BCL2: variants seen among roughly 807,000 people sequenced by gnomAD.
The protein encoded by BCL2 is BCL2 apoptosis regulator.
BCL2 carries 1 observed loss-of-function variant against 14.2 expected under a neutral mutation model. That is an observed-to-expected ratio of 0.07 (90% CI 0.02 to 0.33). The LOEUF (loss-of-function observed/expected upper bound fraction) is 0.33, where lower values mean the gene tolerates loss of function less well. Ranked by LOEUF, BCL2 falls within the 10% of genes least tolerant of loss-of-function variation. BCL2 has a pLI of 0.99. For synonymous variants in BCL2, 151 were observed against 137.2 expected, an observed-to-expected ratio of 1.10 and a Z score of -0.70; for missense variants, 247 against 305.9, an observed-to-expected ratio of 0.81 and a Z score of 1.44.
chr18:63,160,072 TC>T lies in BCL2; in HGVS notation c.586-31314del, dbSNP rs1218397727. ...AAAGGCATACATCCCTTTAACTCAC[TC>T]CCCTATCAAGATATGCAGCATTTCC... On this transcript the variant is annotated intron_variant, in intron 2 of 2. Coordinates refer to ENST00000333681, the MANE Select transcript of BCL2 (RefSeq NM_000633.3). Among the ~76,000 whole-genome samples the T allele has an allele frequency of 3.3e-5, 5 of 152,126 alleles. No individual in the cohort carries two copies. In the East Asian group the frequency reaches 5.8e-4, roughly 18 times the overall value.
In BCL2 at chr18:63,169,300, CT is replaced by C. The variant is rs1568222426; in HGVS notation, c.586-40542del. ...TCTTTCTTTCTTTCTTTCTTTCTTT[CT>C]TTCTTTCTTCCTTCCTTCCTTCTTT... On this transcript the variant is annotated intron_variant, in intron 2 of 2. Transcript: ENST00000333681. Among the ~76,000 whole-genome samples the C allele has an allele frequency of 3.1e-3, 241 of 76,640 alleles. 3 individuals carry two copies. Among genetic ancestry groups the C allele is most frequent in the Admixed American group, 6.9e-3 (50 of 7,270 alleles). The allele number at this position is 76,640 out of a possible 152,430, so 50.3% of individuals were successfully genotyped here.
chr18:63,247,101 G>A (rs151258723), intron 2 of BCL2, among the ~76,000 whole-genome samples: 321 of 152,256 alleles, frequency 2.1e-3, no homozygotes, highest in African/African-American at 7.4e-3. Flanking sequence ...GGGCTAGAAA[G>A]AGATCAGTAG....
chr18:63,305,383 C>T (rs1568264619), intron 2 of BCL2, among the ~76,000 whole-genome samples: 1 of 152,192 alleles, frequency 6.6e-6, no homozygotes, highest in South Asian at 2.1e-4. Context: ...TGAATATCAG[C>T]TCTTCCTGTG....
rs1196207006 is a variant in BCL2, at chr18:63,318,682, A to C, written c.-16T>G. 1 of 1,612,192 alleles carries C rather than the reference A, an allele frequency of 6.2e-7. No individual in the cohort carries two copies. Among genetic ancestry groups the C allele is most frequent in the East Asian group, 2.2e-5 (1 of 44,690 alleles). On this transcript the variant is annotated 5_prime_UTR_variant, in exon 2 of 3. Transcript: ENST00000333681. The surrounding 1 kb of genome is among the most constrained non-coding windows in gnomAD (Gnocchi z 7.4). ...CGTGCGCCATCCTTCCCAGAGGAAA[A>C]GCAACGGGGGCCAACGGCACCTCTC... is the stretch of plus-strand genomic sequence containing the variant.
At chr18:63,204,087 A>T (rs965767544) in intron 2 of BCL2, among the ~76,000 whole-genome samples, 2 of 152,230 alleles carry the variant, frequency 1.3e-5, no homozygotes, top group African/African-American at 4.8e-5. Flanking sequence ...TCTGCCCTCT[A>T]TCCAGCACAG....
At chr18:63,194,031 C>T (rs1909370360) in intron 2 of BCL2, among the ~76,000 whole-genome samples, 1 of 152,190 alleles carries the variant, frequency 6.6e-6, no homozygotes, top group African/African-American at 2.4e-5. Flanking sequence ...GTTCCCTTTT[C>T]CTTTAGCTCT....
chr18:63,133,617 A>G (rs1474738865), intron 2 of BCL2, among the ~76,000 whole-genome samples: 2 of 152,094 alleles, frequency 1.3e-5, no homozygotes, highest in Admixed American at 6.5e-5. Flanking sequence ...TAAACCTAAA[A>G]TGAGAATTTT....
chr18:63,139,503 C>G (rs1462579360), intron 2 of BCL2, among the ~76,000 whole-genome samples: 1 of 152,152 alleles, frequency 6.6e-6, no homozygotes, highest in Non-Finnish European at 1.5e-5. Context: ...TGGTAATATT[C>G]CCAGTGGCTT....
chr18:63,144,602 A>T (rs1477400750), intron 2 of BCL2, among the ~76,000 whole-genome samples: 1 of 152,172 alleles, frequency 6.6e-6, no homozygotes, highest in Admixed American at 6.5e-5. Context: ...GGAACGCTCA[A>T]GAAATGTACC....
At chr18:63,287,528 A>G (rs1912510143) in intron 2 of BCL2, among the ~76,000 whole-genome samples, 2 of 152,154 alleles carry the variant, frequency 1.3e-5, no homozygotes, top group Non-Finnish European at 2.9e-5. Context: ...AACTCTCATC[A>G]TGAAATATGT....
chr18:63,318,029 C>T lies in BCL2; in HGVS notation c.585+53G>A, dbSNP rs746865248. The T allele has an allele frequency of 4.4e-6, 7 of 1,586,900 alleles. 1 individual carries two copies. In the South Asian group the frequency reaches 5.7e-5, roughly 13 times the overall value. ...AGGAGCCCACCCGCACTCCAACCCC[C>T]GCATCTCGGACCTGTGGCCTCAGCC... On this transcript the variant is annotated intron_variant, in intron 2 of 2. Transcript: ENST00000333681. This position sits in a 1 kb window ranked among gnomAD's most constrained non-coding sequence, Gnocchi z 7.4.
intron 2 of BCL2, among the ~76,000 whole-genome samples, chr18:63,228,528 CA>C (rs34970907): frequency 0.43 from 64,979 of 152,038 alleles, 16,674 homozygotes; most frequent in Non-Finnish European, 0.59. Flanking sequence ...CTGTGATCTC[CA>C]AATAAAATAT....
At chr18:63,317,708 C>G in intron 2 of BCL2, 1 of 1,104,942 alleles carries the variant, frequency 9.1e-7, no homozygotes, top group Non-Finnish European at 1.1e-6. Flanking sequence ...TAAGCAGTCC[C>G]TGAAACCTCC....
rs192322267 is a variant in BCL2, at chr18:63,244,275, G to A, written c.585+73807C>T. 1.7e-3 allele frequency among the ~76,000 whole-genome samples: 254 copies of A among 152,292 alleles called. 2 individuals are homozygous for A. The highest frequency in any genetic ancestry group is 5.7e-3 in the African/African-American group (237 of 41,558). On this transcript the variant is annotated intron_variant, in intron 2 of 2. Coordinates refer to ENST00000333681, the MANE Select transcript of BCL2 (RefSeq NM_000633.3). ...CACCTGTAATCCCAGCTACTCGGGA[G>A]GCTGAGGCAGGAGAATCACTTGAAC... is the stretch of plus-strand genomic sequence containing the variant.
intron 2 of BCL2, among the ~76,000 whole-genome samples, chr18:63,303,965 A>G (rs911991901): frequency 6.6e-6 from 1 of 152,216 alleles, no homozygotes; most frequent in African/African-American, 2.4e-5. Context: ...ATATTATACT[A>G]ATACATTTAT....
At chr18:63,188,904 A>G (rs1310401617) in intron 2 of BCL2, among the ~76,000 whole-genome samples, 1 of 151,704 alleles carries the variant, frequency 6.6e-6, no homozygotes, top group African/African-American at 2.4e-5. Context: ...GTGAGTTCAT[A>G]TGTATCCATC....
chr18:63,290,849 A>G (rs552250523), intron 2 of BCL2, among the ~76,000 whole-genome samples: 1 of 152,344 alleles, frequency 6.6e-6, no homozygotes, highest in South Asian at 2.1e-4. Flanking sequence ...AGATATGAAC[A>G]CTGTGTGGGC....
intron 2 of BCL2, among the ~76,000 whole-genome samples, chr18:63,291,457 G>A (rs1912643537): frequency 6.6e-6 from 1 of 152,174 alleles, no homozygotes. Flanking sequence ...CTTCAGATAT[G>A]CCTGATGCCC....
chr18:63,152,443 T>A (rs533039177), intron 2 of BCL2, among the ~76,000 whole-genome samples: 102 of 152,350 alleles, frequency 6.7e-4, no homozygotes, highest in Non-Finnish European at 8.8e-4. Context: ...AGAGTTTTTT[T>A]AAAAATTAAT....
Sources: allele counts gnomAD v4.1 joint callset (sites outside exome capture counted in the v4.1 genomes callset), GRCh38; gene constraint gnomAD v4.1.1; non-coding constraint Gnocchi (gnomAD v3.1); transcripts MANE v1.5; gene names NCBI Gene and HGNC (gene_info 2026-07-23, HGNC 2026-07-21).